The following POFUT3 variants were observed in gnomAD, a reference collection of about 807,000 sequenced individuals.
POFUT3 encodes GDP-fucose protein O-fucosyltransferase 3.
chr8:33,350,892 C>T, the POFUT3 span, among the ~76,000 whole-genome samples: 1 of 152,280 alleles, frequency 6.6e-6, no homozygotes, highest in African/African-American at 2.4e-5. Context: ...GGTATAAATA[C>T]ATTTATATAC....
the POFUT3 span, among the ~76,000 whole-genome samples, chr8:33,402,280 C>T: frequency 6.6e-6 from 1 of 152,178 alleles, no homozygotes; most frequent in Admixed American, 6.5e-5. Context: ...AAGATACCAA[C>T]CGAATGCTTT....
chr8:33,451,066 ATG>A, the POFUT3 span, among the ~76,000 whole-genome samples: 142 of 147,906 alleles, frequency 9.6e-4, no homozygotes, highest in African/African-American at 1.9e-3. Flanking sequence ...AAGGAGGTGT[ATG>A]TGTGTGTGTG....
chr8:33,308,735 T>G, the POFUT3 span, among the ~76,000 whole-genome samples: 2 of 152,084 alleles, frequency 1.3e-5, no homozygotes, highest in African/African-American at 4.8e-5. Context: ...CAAGTTGACC[T>G]TTTTGTGTTC....
the POFUT3 span, among the ~76,000 whole-genome samples, chr8:33,339,975 T>G: frequency 6.6e-6 from 1 of 152,064 alleles, no homozygotes; most frequent in Non-Finnish European, 1.5e-5. Context: ...AAGCAAAAAA[T>G]GAACAAAAAA....
At chr8:33,399,292 G>A in the POFUT3 span, among the ~76,000 whole-genome samples, 1 of 152,172 alleles carries the variant, frequency 6.6e-6, no homozygotes, top group South Asian at 2.1e-4. Context: ...ACTAGGAGAA[G>A]TGTGTTAAAA....
At chr8:33,423,348 A>T in the POFUT3 span, among the ~76,000 whole-genome samples, 1 of 152,102 alleles carries the variant, frequency 6.6e-6, no homozygotes, top group South Asian at 2.1e-4. Context: ...AGCTCACTGC[A>T]GCCTTGACCT....
chr8:33,431,376 G>A, the POFUT3 span, among the ~76,000 whole-genome samples: 1 of 150,916 alleles, frequency 6.6e-6, no homozygotes, highest in Non-Finnish European at 1.5e-5. Context: ...GTGAGACCCA[G>A]TGTCTACCAA....
chr8:33,442,457 A>AT, the POFUT3 span, among the ~76,000 whole-genome samples: 1 of 147,928 alleles, frequency 6.8e-6, no homozygotes, highest in East Asian at 2.0e-4. Flanking sequence ...CCAGCTAATT[A>AT]TTTTTTTAGT....
the POFUT3 span, among the ~76,000 whole-genome samples, chr8:33,348,473 C>A: frequency 6.6e-6 from 1 of 152,070 alleles, no homozygotes; most frequent in African/African-American, 2.4e-5. Flanking sequence ...GATGTGCACA[C>A]ATGAAAGTGT....
chr8:33,434,408 T>A, the POFUT3 span, among the ~76,000 whole-genome samples: 1 of 151,898 alleles, frequency 6.6e-6, no homozygotes, highest in Non-Finnish European at 1.5e-5. Flanking sequence ...CCCCTCCCAC[T>A]CCCATATTCC....
chr8:33,314,974 A>G, the POFUT3 span, among the ~76,000 whole-genome samples: 1 of 152,124 alleles, frequency 6.6e-6, no homozygotes, highest in South Asian at 2.1e-4. Flanking sequence ...ATGGGAGAAG[A>G]TGATTGCACA....
At chr8:33,463,669 C>T in the POFUT3 span, among the ~76,000 whole-genome samples, 2 of 152,070 alleles carry the variant, frequency 1.3e-5, no homozygotes, top group Admixed American at 6.6e-5. Context: ...CTCAGCCTCC[C>T]GAGTAGCTGG....
the POFUT3 span, chr8:33,436,704 G>T: frequency 1.3e-6 from 1 of 762,898 alleles, no homozygotes; most frequent in South Asian, 1.6e-5. Flanking sequence ...TCACCATCCT[G>T]ACCACAGCTA....
the POFUT3 span, among the ~76,000 whole-genome samples, chr8:33,465,840 G>A: frequency 1.3e-5 from 2 of 152,144 alleles, no homozygotes; most frequent in Admixed American, 6.6e-5. Context: ...TCAAAGATGT[G>A]TGGAAAGCAG....
At chr8:33,443,350 C>T in the POFUT3 span, among the ~76,000 whole-genome samples, 2 of 152,194 alleles carry the variant, frequency 1.3e-5, no homozygotes, top group African/African-American at 2.4e-5. Context: ...TAACATAAGA[C>T]AGCAGTGTCC....
chr8:33,469,038 G>A, the POFUT3 span, among the ~76,000 whole-genome samples: 1 of 152,196 alleles, frequency 6.6e-6, no homozygotes, highest in Non-Finnish European at 1.5e-5. Flanking sequence ...GGATGCAGTG[G>A]TGCATGCCTG....
the POFUT3 span, among the ~76,000 whole-genome samples, chr8:33,427,195 T>C: frequency 6.6e-6 from 1 of 152,274 alleles, no homozygotes; most frequent in African/African-American, 2.4e-5. Context: ...CATAGTGGCA[T>C]GCATCTACCA....
At chr8:33,380,040 GATAT>G in the POFUT3 span, among the ~76,000 whole-genome samples, 1 of 59,398 alleles carries the variant, frequency 1.7e-5, no homozygotes, top group African/African-American at 1.1e-4. Context: ...ATATATATAC[GATAT>G]ATATACACTA....
the POFUT3 span, among the ~76,000 whole-genome samples, chr8:33,411,585 C>T: frequency 3.9e-4 from 59 of 152,194 alleles, 1 homozygote; most frequent in Middle Eastern, 3.4e-3. Context: ...GTCAGGAGTT[C>T]GAGACCAGCC....
Sources: gnomAD v4.1 joint callset for allele counts (sites outside exome capture counted in the v4.1 genomes callset) on GRCh38, gnomAD v4.1.1 for gene constraint, MANE v1.5 for transcripts, NCBI Gene and HGNC (gene_info 2026-07-23, HGNC 2026-07-21) for gene names.